PEX11G: variants seen among roughly 807,000 people sequenced by gnomAD.
PEX11G encodes peroxisomal membrane protein 11C.
A neutral mutation model predicts 22.5 loss-of-function variants in PEX11G; 20 were observed. The ratio of observed to expected loss-of-function variants is 0.89; its 90% CI spans 0.62 to 1.29. The LOEUF is 1.29. PEX11G is among the 50% of genes most tolerant of loss of function. PEX11G has a pLI of 0.00. For synonymous variants in PEX11G, 141 were observed against 154.5 expected (o/e 0.91, Z 0.65); for missense variants, 347 against 331.3 (o/e 1.05, Z -0.37).
At chr19:7,481,996 G>T in intron 3 of PEX11G, 37 bp downstream of exon 3, 1 of 1,514,306 alleles carries the variant, frequency 6.6e-7, no homozygotes, top group South Asian at 1.2e-5. Flanking sequence ...CACCGCCCAG[G>T]GACCTTGGGT....
At chr19:7,477,760 C>T (rs1317195528) in intron 4 of PEX11G, among the ~76,000 whole-genome samples, 1 of 152,204 alleles carries the variant, frequency 6.6e-6, no homozygotes, top group East Asian at 1.9e-4. Flanking sequence ...AAGGGGGAAC[C>T]CCCAGGAGCG....
rs1004978337 is a variant in PEX11G at position 7,478,487 on chromosome 19, C to T, written c.429-111G>A. The T allele has an allele frequency of 1.8e-4, 207 of 1,139,672 alleles. No homozygotes were observed. The Admixed American group carries it at 3.8e-3, about 21-fold the overall frequency. The allele number at this position is 1,139,672 out of a possible 1,614,324, so 70.6% of individuals were successfully genotyped here. On this transcript the variant is annotated intron_variant, in intron 3 of 4. Coordinates refer to ENST00000221480, the MANE Select transcript of PEX11G (RefSeq NM_080662.4). ...GGACAGGTGCTGCATCTCGGATAAA[C>T]GGCCTGCCCTCTCCCTGCCCCCACA...
chr19:7,488,932 C>T lies in PEX11G; in HGVS notation c.60+19G>A, dbSNP rs754097906. 2 of 1,548,928 alleles carry T rather than the reference C, an allele frequency of 1.3e-6. No individual in the cohort carries two copies. Among genetic ancestry groups the T allele is most frequent in the Non-Finnish European group, 8.7e-7 (1 of 1,147,470 alleles). ...GGCCAAACTCTAGGACCTCCGGCCC[C>T]GGTCCGCCCCTGCCTCACCAGGCGG... On this transcript the variant is annotated intron_variant, in intron 1 of 4. Coordinates refer to ENST00000221480, the MANE Select transcript of PEX11G (RefSeq NM_080662.4).
rs146907216 is a variant in PEX11G, at chr19:7,484,636, G to A, written c.249+1202C>T. ...AAAAATACAAAAATTAGCCAGGCAT[G>A]GTGGGGGGTGCCTGTAATCCCAGCT... is the stretch of plus-strand genomic sequence containing the variant. On this transcript the variant is annotated intron_variant, in intron 2 of 4. Transcript: ENST00000221480. Among the ~76,000 whole-genome samples, 575 of 152,170 alleles carry A rather than the reference G, an allele frequency of 3.8e-3. 3 individuals carry two copies. Among genetic ancestry groups the A allele is most frequent in the African/African-American group, 0.013 (545 of 41,508 alleles).
At chr19:7,480,730 G>T (rs907103667) in intron 3 of PEX11G, among the ~76,000 whole-genome samples, 1 of 152,118 alleles carries the variant, frequency 6.6e-6, no homozygotes, top group African/African-American at 2.4e-5. Context: ...GACAAGCAAA[G>T]CTTCCCCCAG....
intron 3 of PEX11G, among the ~76,000 whole-genome samples, chr19:7,479,172 C>T (rs1366590487): frequency 1.3e-5 from 2 of 152,162 alleles, no homozygotes; most frequent in East Asian, 3.9e-4. Context: ...GATTCCTGGG[C>T]TCCCCAGACC....
intron 1 of PEX11G, among the ~76,000 whole-genome samples, chr19:7,494,971 C>T (rs978138676): frequency 6.6e-6 from 1 of 151,844 alleles, no homozygotes; most frequent in Non-Finnish European, 1.5e-5. Context: ...TTCTTTCTTT[C>T]TTTCTTTCCT....
chr19:7,481,945 C>T, intron 3 of PEX11G, 88 bp downstream of exon 3: 1 of 1,335,280 alleles, frequency 7.5e-7, no homozygotes, highest in Non-Finnish European at 9.9e-7. Context: ...CAGTCTGAAG[C>T]CTGTGCTGTT....
intron 3 of PEX11G, among the ~76,000 whole-genome samples, chr19:7,479,371 G>C (rs1972652): frequency 0.24 from 36,343 of 151,964 alleles, 4,573 homozygotes; most frequent in African/African-American, 0.33. Context: ...GTAATCCCAG[G>C]TACTCGGGAG....
At chr19:7,482,244 C>T (rs77186513) in intron 2 of PEX11G, 33 bp from the exon 3 acceptor site, 45,071 of 1,521,436 alleles carry the variant, frequency 0.03, 1,006 homozygotes, top group South Asian at 0.085. Flanking sequence ...GGCCTAGGGT[C>T]AGACTTACCC....
chr19:7,493,825 G>A (rs1271203362), upstream of PEX11G, among the ~76,000 whole-genome samples: 1 of 143,592 alleles, frequency 7.0e-6, no homozygotes, highest in Non-Finnish European at 1.5e-5. Flanking sequence ...GGCCAATATG[G>A]TGAAACCCCG....
At chr19:7,491,387 G>A (rs181877072), upstream of PEX11G, among the ~76,000 whole-genome samples, 338 of 148,046 alleles carry the variant, frequency 2.3e-3, 1 homozygote, top group African/African-American at 7.8e-3. Context: ...CTCCTGCCTC[G>A]GCCTCCCAAG....
Position 7,477,437 on chromosome 19 carries a change from C to T in PEX11G, c.492-1G>A, listed in dbSNP as rs1977274151. The T allele has an allele frequency of 9.8e-6, 14 of 1,434,972 alleles. No homozygotes were observed. Among genetic ancestry groups the T allele is most frequent in the Non-Finnish European group, 1.1e-5 (12 of 1,098,200 alleles). 88.9% of individuals were successfully genotyped at this position (1,434,972 alleles called of 1,614,324 possible). On this transcript the variant is annotated splice_acceptor_variant, in intron 4 of 4. Transcript: ENST00000221480. LOFTEE classifies it high-confidence loss of function. ...CCTCCGCTTGCCCCGGGGCAGCGGG[C>T]TGTGGGGCAGAGAGGGGCCGCTTAC...
intron 3 of PEX11G, 128 bp from the exon 4 acceptor site, chr19:7,478,504 G>T: frequency 1.1e-6 from 1 of 951,748 alleles, no homozygotes; most frequent in Non-Finnish European, 1.6e-6. Flanking sequence ...CCCTCTCCCT[G>T]CCCCCACAGT....
intron 2 of PEX11G, among the ~76,000 whole-genome samples, chr19:7,484,391 G>C (rs1334615691): frequency 6.6e-6 from 1 of 151,708 alleles, no homozygotes; most frequent in Non-Finnish European, 1.5e-5. Context: ...TGCCGAAGCT[G>C]TACCGTTAAG....
At chr19:7,491,988 T>C (rs571347680), upstream of PEX11G, among the ~76,000 whole-genome samples, 2 of 152,320 alleles carry the variant, frequency 1.3e-5, no homozygotes, top group East Asian at 1.9e-4. Context: ...TTGTCTAAGT[T>C]GCAGCATGTA....
At chr19:7,477,883 G>A (rs1196883819) in intron 4 of PEX11G, among the ~76,000 whole-genome samples, 11 of 152,322 alleles carry the variant, frequency 7.2e-5, no homozygotes, top group East Asian at 5.8e-4. Flanking sequence ...TTAGCCAGGC[G>A]TGCTGGCCCG....
At position 7,477,346 on chromosome 19, in the gene PEX11G, G is replaced by GTT; in HGVS notation, c.580_581dup (p.Asn194LysfsTer21). ...CGCCCCGGGGCAGCCAGTGCACGGC[G>GTT]TTGGCCAGGTCGGCCAGGTTGCTGA... On this transcript the variant is annotated frameshift_variant, in exon 5 of 5. Transcript: ENST00000221480. LOFTEE classifies it high-confidence loss of function. 1 of 1,559,110 alleles carries GTT rather than the reference G, an allele frequency of 6.4e-7. No homozygotes were observed. The highest frequency in any genetic ancestry group is 2.4e-5 in the East Asian group (1 of 41,720).
At position 7,477,048 on chromosome 19, in the gene PEX11G, TG is replaced by T; in HGVS notation, c.*153del. On this transcript the variant is annotated 3_prime_UTR_variant, in exon 5 of 5. Coordinates refer to ENST00000221480, the MANE Select transcript of PEX11G (RefSeq NM_080662.4). Reference sequence around the variant, plus strand: ...GGCTCAGGAGCTCCAGGCTGAGGCCTGGGGGACCTCGCATCAGTCCCTCCAC... The same window carrying T: ...GGCTCAGGAGCTCCAGGCTGAGGCCTGGGGACCTCGCATCAGTCCCTCCAC... 3.2e-6 allele frequency: 2 copies of T among 620,490 alleles called. No individual in the cohort carries two copies. The highest frequency in any genetic ancestry group is 3.9e-5 in the South Asian group (1 of 25,498). The allele number at this position is 620,490 out of a possible 1,614,324, so 38.4% of individuals were successfully genotyped here.
Sources: allele counts gnomAD v4.1 joint callset (sites outside exome capture counted in the v4.1 genomes callset), GRCh38; gene constraint gnomAD v4.1.1; transcripts MANE v1.5; gene names NCBI Gene and HGNC (gene_info 2026-07-23, HGNC 2026-07-21).